The following DLG2 variants were observed in gnomAD, a reference collection of about 807,000 sequenced individuals.
DLG2 encodes discs large MAGUK scaffold protein 2.
DLG2 carries 45 observed loss-of-function variants against 132.5 expected under a neutral mutation model. The ratio of observed to expected loss-of-function variants is 0.34; its 90% confidence interval spans 0.27 to 0.44. The LOEUF (loss-of-function observed/expected upper bound fraction) is 0.44. Ranked by LOEUF, DLG2 falls within the 20% of genes least tolerant of loss-of-function variation. The probability of loss-of-function intolerance (pLI) is 1.00; values close to 1 mark genes in which losing one functional copy is unlikely to be tolerated. For synonymous variants in DLG2, 424 were observed against 419.6 expected, an observed-to-expected ratio of 1.01 and a Z score of -0.13; for missense variants, 1,045 against 1,196.9, an observed-to-expected ratio of 0.87 and a Z score of 1.87.
chr11:84,375,826 A>T (rs1358470147), intron 7 of DLG2, among the ~76,000 whole-genome samples: 3 of 152,076 alleles, frequency 2.0e-5, no homozygotes, highest in African/African-American at 7.2e-5. Context: ...AGATTATCAT[A>T]CATACTTTGT....
intron 7 of DLG2, among the ~76,000 whole-genome samples, chr11:84,436,033 A>C (rs1818397913): frequency 6.6e-6 from 1 of 152,190 alleles, no homozygotes; most frequent in Admixed American, 6.5e-5. Flanking sequence ...CTTTCCTGCA[A>C]AATTACTTGA....
chr11:85,497,083 T>C (rs1045850899), intron 3 of DLG2, among the ~76,000 whole-genome samples: 2 of 152,064 alleles, frequency 1.3e-5, no homozygotes, highest in East Asian at 1.9e-4. Flanking sequence ...ATGAGTTTGA[T>C]GAGTTGACAG....
intron 3 of DLG2, among the ~76,000 whole-genome samples, chr11:85,415,449 T>C (rs1466396468): frequency 1.3e-5 from 2 of 152,158 alleles, no homozygotes; most frequent in Non-Finnish European, 2.9e-5. Flanking sequence ...TCTTCCACAA[T>C]GGTTGAACTA....
chr11:83,889,330 T>G (rs1279050077), intron 15 of DLG2, among the ~76,000 whole-genome samples: 1 of 152,014 alleles, frequency 6.6e-6, no homozygotes, highest in East Asian at 1.9e-4. Context: ...AGAAGACATT[T>G]ATGCAGCCAA....
At chr11:83,713,962 A>G (rs2086091341) in intron 18 of DLG2, among the ~76,000 whole-genome samples, 1 of 152,178 alleles carries the variant, frequency 6.6e-6, no homozygotes, top group South Asian at 2.1e-4. Flanking sequence ...CTAGAGTATC[A>G]AAAGTGTGAA....
At chr11:84,760,386 C>T (rs141869336) in intron 6 of DLG2, among the ~76,000 whole-genome samples, 34 of 152,306 alleles carry the variant, frequency 2.2e-4, no homozygotes, top group African/African-American at 7.9e-4. Context: ...AAAAAGTCCC[C>T]ATAACCATTT....
chr11:85,344,882 G>A (rs1270399561), intron 3 of DLG2, among the ~76,000 whole-genome samples: 1 of 150,966 alleles, frequency 6.6e-6, no homozygotes, highest in Non-Finnish European at 1.5e-5. Context: ...AAATCTTAGA[G>A]AAAATAAAAA....
chr11:85,287,014 TA>T (rs2078599998), intron 3 of DLG2, among the ~76,000 whole-genome samples: 1 of 152,076 alleles, frequency 6.6e-6, no homozygotes, highest in African/African-American at 2.4e-5. Flanking sequence ...TATTACCTAG[TA>T]TTGGATTATA....
At chr11:84,807,749 C>T (rs1359889989) in intron 6 of DLG2, among the ~76,000 whole-genome samples, 1 of 151,958 alleles carries the variant, frequency 6.6e-6, no homozygotes, top group Non-Finnish European at 1.5e-5. Flanking sequence ...AGAAAGTTAC[C>T]AGATCAGAAA....
intron 19 of DLG2, among the ~76,000 whole-genome samples, chr11:83,563,381 A>G (rs1039508834): frequency 2.0e-5 from 3 of 152,158 alleles, no homozygotes; most frequent in Non-Finnish European, 4.4e-5. Context: ...TAAAATCCAC[A>G]GGACTTTGGG....
intron 18 of DLG2, among the ~76,000 whole-genome samples, chr11:83,664,584 C>T (rs568178858): frequency 7.2e-5 from 11 of 152,048 alleles, no homozygotes; most frequent in Non-Finnish European, 1.0e-4. Flanking sequence ...TGAGGGAAAA[C>T]GAAACCACAC....
At chr11:84,311,797 C>T (rs920758125) in intron 7 of DLG2, among the ~76,000 whole-genome samples, 3 of 152,232 alleles carry the variant, frequency 2.0e-5, no homozygotes, top group African/African-American at 7.2e-5. Context: ...TGAACCTTCT[C>T]TCACAGGGCT....
intron 7 of DLG2, among the ~76,000 whole-genome samples, chr11:84,362,682 C>G (rs564066993): frequency 1.0e-3 from 159 of 152,096 alleles, no homozygotes; most frequent in Middle Eastern, 3.4e-3. Context: ...ACAACAGTCC[C>G]CAGAGTGTGA....
At chr11:84,845,474 T>C (rs945450934) in intron 6 of DLG2, among the ~76,000 whole-genome samples, 1 of 152,054 alleles carries the variant, frequency 6.6e-6, no homozygotes, top group Non-Finnish European at 1.5e-5. Flanking sequence ...AAATAATATA[T>C]ATCACTGAAC....
chr11:83,937,657 A>G (rs1599914), intron 14 of DLG2, among the ~76,000 whole-genome samples: 150,816 of 152,264 alleles, frequency 0.99, 74,695 homozygotes, highest in East Asian at 1. Context: ...CATTTTAGTA[A>G]AAAACAAAGA....
intron 22 of DLG2, chr11:83,480,533 G>A (rs1236318054): frequency 6.6e-7 from 1 of 1,516,126 alleles, no homozygotes; most frequent in Admixed American, 2.0e-5. Flanking sequence ...AAAAGCCGCA[G>A]AGGAGGCTGC....
At chr11:85,401,445 C>A (rs914152594) in intron 3 of DLG2, among the ~76,000 whole-genome samples, 1 of 152,178 alleles carries the variant, frequency 6.6e-6, no homozygotes, top group Non-Finnish European at 1.5e-5. Context: ...AGGACACCCT[C>A]TCTCACCACT....
chr11:84,900,314 C>A (rs1183355189), intron 6 of DLG2, among the ~76,000 whole-genome samples: 2 of 151,956 alleles, frequency 1.3e-5, no homozygotes, highest in African/African-American at 4.8e-5. Context: ...CAGCTCTATT[C>A]TTAGCAAATT....
intron 18 of DLG2, chr11:83,682,499 C>T (rs2079000549): frequency 1.1e-6 from 1 of 949,172 alleles, no homozygotes; most frequent in Admixed American, 6.2e-5. Context: ...GCTTTCCCAC[C>T]ATCAGTAGTG....
Sources: allele counts gnomAD v4.1 joint callset (sites outside exome capture counted in the v4.1 genomes callset), GRCh38; gene constraint gnomAD v4.1.1; transcripts MANE v1.5; gene names NCBI Gene and HGNC (gene_info 2026-07-23, HGNC 2026-07-21).